WWOX: variants seen among roughly 807,000 people sequenced by gnomAD.
The protein encoded by WWOX is WW domain containing oxidoreductase.
Under a neutral mutation model 46.2 loss-of-function variants are expected in WWOX, and 69 were observed. The ratio of observed to expected loss-of-function variants is 1.49; its 90% CI spans 1.23 to 1.82. WWOX has a LOEUF of 1.82. Ranked by LOEUF, WWOX falls within the 40% of genes most tolerant of loss-of-function variation. The probability of loss-of-function intolerance (pLI) is 0.00; values close to 1 mark genes in which losing one functional copy is unlikely to be tolerated. For missense variants in WWOX, 919 were observed against 542.6 expected (o/e 1.69, Z -6.89); for synonymous variants, 359 against 202.6 (o/e 1.77, Z -6.56).
At chr16:78,141,139 A>C (rs2033971337) in intron 4 of WWOX, among the ~76,000 whole-genome samples, 1 of 152,240 alleles carries the variant, frequency 6.6e-6, no homozygotes, top group African/African-American at 2.4e-5. Flanking sequence ...TGCCTTGAGC[A>C]AGTGAGTTCG....
At chr16:78,409,380 G>T (rs1478100398) in intron 6 of WWOX, among the ~76,000 whole-genome samples, 1 of 151,974 alleles carries the variant, frequency 6.6e-6, no homozygotes, top group Non-Finnish European at 1.5e-5. Flanking sequence ...ACCTGCTCCT[G>T]ACACCTAGCC....
chr16:78,589,518 C>A (rs138278148), intron 8 of WWOX, among the ~76,000 whole-genome samples: 279 of 152,320 alleles, frequency 1.8e-3, no homozygotes, highest in African/African-American at 6.3e-3. Flanking sequence ...CCATGGCACT[C>A]AAGAGTCCAC....
intron 8 of WWOX, among the ~76,000 whole-genome samples, chr16:79,099,847 G>A (rs2049155937): frequency 1.3e-5 from 2 of 152,150 alleles, no homozygotes; most frequent in Non-Finnish European, 1.5e-5. Context: ...AGCATGAGTA[G>A]GAGATATATA....
intron 8 of WWOX, among the ~76,000 whole-genome samples, chr16:78,487,299 G>C (rs1173711271): frequency 6.6e-6 from 1 of 151,484 alleles, no homozygotes; most frequent in Non-Finnish European, 1.5e-5. Context: ...GCAGAGATTT[G>C]GTTATTTTCC....
At chr16:79,153,693 C>G (rs1484835928) in intron 8 of WWOX, among the ~76,000 whole-genome samples, 1 of 152,180 alleles carries the variant, frequency 6.6e-6, no homozygotes, top group African/African-American at 2.4e-5. Context: ...ACATACTTTT[C>G]TATTCCTCCC....
chr16:78,481,925 C>T (rs1597146312), intron 8 of WWOX, among the ~76,000 whole-genome samples: 1 of 151,982 alleles, frequency 6.6e-6, no homozygotes, highest in African/African-American at 2.4e-5. Flanking sequence ...CTTTCCTTAC[C>T]CAAAGATTTC....
chr16:79,076,662 A>C (rs892705146), intron 8 of WWOX, among the ~76,000 whole-genome samples: 1 of 152,196 alleles, frequency 6.6e-6, no homozygotes, highest in African/African-American at 2.4e-5. Context: ...GGAAGACCAC[A>C]AACTTGAGAG....
intron 8 of WWOX, among the ~76,000 whole-genome samples, chr16:78,723,146 C>G (rs1038551591): frequency 6.6e-6 from 1 of 152,216 alleles, no homozygotes; most frequent in African/African-American, 2.4e-5. Context: ...AACTGCTGGC[C>G]TGCCGCTTGT....
chr16:79,000,202 C>A (rs527276143), intron 8 of WWOX, among the ~76,000 whole-genome samples: 1 of 152,152 alleles, frequency 6.6e-6, no homozygotes, highest in Admixed American at 6.6e-5. Flanking sequence ...TCACACGGCA[C>A]GTCATTGGCA....
At chr16:78,773,425 C>G (rs566675542) in intron 8 of WWOX, among the ~76,000 whole-genome samples, 7 of 152,186 alleles carry the variant, frequency 4.6e-5, no homozygotes, top group African/African-American at 1.7e-4. Context: ...AGAGCGCAGA[C>G]ATTTGGCTCC....
At chr16:78,907,753 C>G (rs967539412) in intron 8 of WWOX, among the ~76,000 whole-genome samples, 1 of 152,190 alleles carries the variant, frequency 6.6e-6, no homozygotes, top group Non-Finnish European at 1.5e-5. Flanking sequence ...AGGAGGGTTT[C>G]TCTGAGGAGA....
At chr16:78,663,076 G>A (rs1449192343) in intron 8 of WWOX, among the ~76,000 whole-genome samples, 1 of 152,114 alleles carries the variant, frequency 6.6e-6, no homozygotes, top group Admixed American at 6.5e-5. Flanking sequence ...TCACAAACTT[G>A]TGCAGACATC....
intron 5 of WWOX, chr16:78,269,243 G>A (rs1047019416): frequency 1.7e-4 from 26 of 152,202 alleles, no homozygotes; most frequent in African/African-American, 6.0e-4. Context: ...TATGTCAGAC[G>A]TGACTTTATG....
chr16:79,122,766 T>C (rs1455523491), intron 8 of WWOX, among the ~76,000 whole-genome samples: 1 of 152,182 alleles, frequency 6.6e-6, no homozygotes, highest in Non-Finnish European at 1.5e-5. Context: ...TTAGTTCTCA[T>C]TGTAGGAAAA....
At chr16:78,982,643 T>A (rs1033741714) in intron 8 of WWOX, among the ~76,000 whole-genome samples, 2 of 152,188 alleles carry the variant, frequency 1.3e-5, no homozygotes, top group African/African-American at 4.8e-5. Context: ...AGGGAAGGAC[T>A]AATATTTCTG....
At chr16:78,179,803 T>C (rs1276286937) in intron 5 of WWOX, 2 of 152,180 alleles carry the variant, frequency 1.3e-5, no homozygotes, top group African/African-American at 4.8e-5. Context: ...ACCATAGGGA[T>C]GTGGAAGCCT....
chr16:78,176,206 C>T (rs920945905), intron 5 of WWOX, among the ~76,000 whole-genome samples: 8 of 152,148 alleles, frequency 5.3e-5, no homozygotes, highest in African/African-American at 1.9e-4. Context: ...CTAAAACTCA[C>T]GTCTCTCAAA....
chr16:78,497,048 G>A (rs1242381236), intron 8 of WWOX, among the ~76,000 whole-genome samples: 2 of 152,230 alleles, frequency 1.3e-5, no homozygotes, highest in Admixed American at 6.5e-5. Context: ...TCTGCAGGGA[G>A]ATTTGGGGAT....
At chr16:78,231,981 G>A (rs1190128213) in intron 5 of WWOX, among the ~76,000 whole-genome samples, 2 of 152,076 alleles carry the variant, frequency 1.3e-5, no homozygotes, top group African/African-American at 4.8e-5. Flanking sequence ...TGGAGGTTAA[G>A]CCCTTTACTA....
Sources: allele counts gnomAD v4.1 joint callset (sites outside exome capture counted in the v4.1 genomes callset), GRCh38; gene constraint gnomAD v4.1.1; transcripts MANE v1.5; gene names NCBI Gene and HGNC (gene_info 2026-07-23, HGNC 2026-07-21).